Variants in RO60 observed in about 807,000 individuals in gnomAD.
RO60 encodes RNA-binding protein RO60.
RO60 carries 20 observed loss-of-function variants against 55.3 expected under a neutral mutation model. The ratio of observed to expected loss-of-function variants is 0.36; its 90% CI spans 0.25 to 0.53. The LOEUF is 0.53. Ranked by LOEUF, RO60 falls within the 20% of genes least tolerant of loss-of-function variation. RO60 has a pLI of 0.92. For synonymous variants in RO60, 213 were observed against 213.6 expected, an observed-to-expected ratio of 1.00 and a Z score of 0.02; for missense variants, 558 against 646.6, an observed-to-expected ratio of 0.86 and a Z score of 1.49.
At position 193,081,450 on chromosome 1, in the gene RO60, C is replaced by T. The variant is rs780813644; in HGVS notation, c.1173C>T (p.Asn391=). ...AAAGAGTTTTGGGTAGTATACTCAACGCTAGTACAGTTGCTGCAGCAATGT... is the reference window on the plus strand; with the variant it reads ...AAAGAGTTTTGGGTAGTATACTCAATGCTAGTACAGTTGCTGCAGCAATGT... The part of the protein sequence containing the change: ...MNQRVLGSIL[N]ASTVAAAMCM... Residue 391 remains asparagine (N), a synonymous_variant, in exon 6 of 9, where the codon AAC becomes AAT. Transcript: ENST00000400968. The T allele has an allele frequency of 1.4e-5, 22 of 1,609,748 alleles. No individual in the cohort carries two copies. Among genetic ancestry groups the T allele is most frequent in the East Asian group, 8.9e-5 (4 of 44,734 alleles).
In RO60 at chr1:193,085,296, A is replaced by G; in HGVS notation, c.*565A>G. The G allele has an allele frequency of 9.3e-7, 1 of 1,078,486 alleles. No individual in the cohort carries two copies. The highest frequency in any genetic ancestry group is 1.1e-6 in the Non-Finnish European group (1 of 889,054). The allele number at this position is 1,078,486 out of a possible 1,614,324, so 66.8% of individuals were successfully genotyped here. A position where few individuals can be genotyped will look rare whatever the true frequency, so the allele number is the denominator to read the frequency against. On this transcript the variant is annotated 3_prime_UTR_variant, in exon 9 of 9. Transcript: ENST00000400968. ...TTCAGAGTTTTACTAAGATCACACA[A>G]ATAACAGCTTTCTTATTCAGTGAAA...
chr1:193,060,177 G>A lies in RO60; in HGVS notation c.-22+401G>A. ...TTTGGAAGAAGGATCTTTGTGGGAA[G>A]ACAGGGTGAATTTATCACAGAGGAA... On this transcript the variant is annotated intron_variant, in intron 1 of 8. Transcript: ENST00000400968. 20 of 1,082,606 alleles carry A rather than the reference G, an allele frequency of 1.8e-5. No homozygotes were observed. The South Asian group carries it at 3.0e-4, about 16-fold the overall frequency. 67.1% of individuals were successfully genotyped at this position (1,082,606 alleles called of 1,614,324 possible).
Position 193,085,244 on chromosome 1 carries a change from A to C in RO60, c.*513A>C, listed in dbSNP as rs1272416929. The C allele has an allele frequency of 8.7e-7, 1 of 1,149,608 alleles. No homozygotes were observed. The allele number at this position is 1,149,608 out of a possible 1,614,324, so 71.2% of individuals were successfully genotyped here. A position where few individuals can be genotyped will look rare whatever the true frequency, so the allele number is the denominator to read the frequency against. On this transcript the variant is annotated 3_prime_UTR_variant, in exon 9 of 9. Transcript: ENST00000400968. ...AAAAAAAAACTAAGGCATTTGATTA[A>C]ATTATGAATGAGTTTTACAAATTCC...
chr1:193,061,427 G>A (rs1672715282), intron 1 of RO60, among the ~76,000 whole-genome samples: 1 of 152,184 alleles, frequency 6.6e-6, no homozygotes, highest in African/African-American at 2.4e-5. Flanking sequence ...TTGACTTCTT[G>A]AGATGAAAGG....
At chr1:193,074,431 A>G (rs1189879890) in intron 2 of RO60, among the ~76,000 whole-genome samples, 1 of 152,154 alleles carries the variant, frequency 6.6e-6, no homozygotes, top group Non-Finnish European at 1.5e-5. Context: ...TCGTCATTCT[A>G]ACTGATGTGA....
rs1558218867 is a variant in RO60, at chr1:193,059,752, C to G, written c.-46C>G. On this transcript the variant is annotated 5_prime_UTR_variant, in exon 1 of 9. The change creates a new upstream start codon in the 5' untranslated region. Transcript: ENST00000400968. This position sits in a 1 kb window ranked among gnomAD's most constrained non-coding sequence, Gnocchi z 4.9. The stretch of plus-strand genomic sequence containing the variant: ...GACTTCTCCTGGCGGCGCTGCGGAT[C>G]CAGGGGGTCGGCTGCCAGGTACAGG... 7.4e-7 allele frequency: 1 copy of G among 1,355,794 alleles called. No individual in the cohort carries two copies. Among genetic ancestry groups the G allele is most frequent in the Non-Finnish European group, 9.8e-7 (1 of 1,017,134 alleles). The allele number at this position is 1,355,794 out of a possible 1,614,324, so 84.0% of individuals were successfully genotyped here.
rs2103092178 is a variant in RO60 at position 193,090,411 on chromosome 1, G to GT, written c.*5685dup. 6.6e-6 allele frequency: 1 copy of GT among 151,222 alleles called. No individual in the cohort carries two copies. Among genetic ancestry groups the GT allele is most frequent in the Admixed American group, 6.6e-5 (1 of 15,098 alleles). 9.4% of individuals were successfully genotyped at this position (151,222 alleles called of 1,614,324 possible). A position where few individuals can be genotyped will look rare whatever the true frequency, so the allele number is the denominator to read the frequency against. ...ACAATTAATGAATAGTACTCAAAGT[G>GT]TTTTTGTTGCACTGTTACTCTGAAT... On this transcript the variant is annotated 3_prime_UTR_variant, in exon 9 of 9. Transcript: ENST00000400968.
chr1:193,068,719 G>C (rs1332855076), intron 1 of RO60, among the ~76,000 whole-genome samples: 1 of 152,116 alleles, frequency 6.6e-6, no homozygotes, highest in African/African-American at 2.4e-5. Flanking sequence ...TGATTTGTTT[G>C]TTTGCTGTGA....
chr1:193,063,713 A>T (rs1672933217), intron 1 of RO60, among the ~76,000 whole-genome samples: 1 of 152,198 alleles, frequency 6.6e-6, no homozygotes, highest in Non-Finnish European at 1.5e-5. Context: ...AAATTAAAGG[A>T]CAAGGTCCCC....
chr1:193,069,345 C>T lies in RO60; in HGVS notation c.291C>T (p.Ala97=). 6.2e-7 allele frequency: 1 copy of T among 1,614,212 alleles called. No homozygotes were observed. Among genetic ancestry groups the T allele is most frequent in the Non-Finnish European group, 8.5e-7 (1 of 1,180,040 alleles). ...AAGAGCCTATGCTCTTTGCACTTGCCATTTGTTCCCAGTGCTCCGACATAA... is the reference window on the plus strand; with the variant it reads ...AAGAGCCTATGCTCTTTGCACTTGCTATTTGTTCCCAGTGCTCCGACATAA... ...TKQEPMLFAL[A]ICSQCSDIST... is the part of the protein sequence containing the mutation. The change falls in exon 2 of 9, where the codon GCC becomes GCT. Residue 97 remains alanine, a synonymous_variant. Coordinates refer to ENST00000400968, the MANE Select transcript of RO60 (RefSeq NM_001173524.2).
chr1:193,070,970 A>T (rs1673449648), intron 2 of RO60, among the ~76,000 whole-genome samples: 2 of 152,386 alleles, frequency 1.3e-5, no homozygotes, highest in Admixed American at 1.3e-4. Context: ...ACTGCATATC[A>T]GCAGTCCACA....
intron 5 of RO60, among the ~76,000 whole-genome samples, chr1:193,079,017 A>C (rs2103062683): frequency 6.6e-6 from 1 of 152,174 alleles, no homozygotes; most frequent in Middle Eastern, 3.4e-3. Context: ...TGGCAAAAGA[A>C]TAAACATATA....
At chr1:193,077,179 T>C in intron 5 of RO60, 129 bp downstream of exon 5, 1 of 906,682 alleles carries the variant, frequency 1.1e-6, no homozygotes, top group Non-Finnish European at 1.6e-6. Context: ...TTTCTTTAGT[T>C]CATATGTGGT....
intron 5 of RO60, among the ~76,000 whole-genome samples, chr1:193,079,256 T>G (rs1435388673): frequency 6.6e-6 from 1 of 152,048 alleles, no homozygotes; most frequent in Non-Finnish European, 1.5e-5. Context: ...CTCAACTAAT[T>G]TATTCCATTT....
At chr1:193,071,260 G>C (rs539515197) in intron 2 of RO60, among the ~76,000 whole-genome samples, 2 of 152,292 alleles carry the variant, frequency 1.3e-5, no homozygotes, top group Non-Finnish European at 2.9e-5. Context: ...CCACGGACTG[G>C]TATCCGTGTA....
At chr1:193,061,742 T>C (rs1672760524) in intron 1 of RO60, among the ~76,000 whole-genome samples, 1 of 152,190 alleles carries the variant, frequency 6.6e-6, no homozygotes, top group Admixed American at 6.5e-5. Flanking sequence ...CCCAGCACTT[T>C]GGGAGGCCCA....
At chr1:193,068,023 T>C (rs1287742764) in intron 1 of RO60, among the ~76,000 whole-genome samples, 1 of 152,172 alleles carries the variant, frequency 6.6e-6, no homozygotes, top group Non-Finnish European at 1.5e-5. Flanking sequence ...CAGGCATCAC[T>C]TGCAAATGAA....
chr1:193,075,890 ACT>A lies in RO60; in HGVS notation c.656_657del (p.Ser219CysfsTer4). On this transcript the variant is annotated frameshift_variant, in exon 3 of 9. Coordinates refer to ENST00000400968, the MANE Select transcript of RO60 (RefSeq NM_001173524.2). LOFTEE classifies it high-confidence loss of function. ...EVHELYKEKALSVETEKLLKY... is the reference protein window; with the variant it reads ...EVHELYKEKAXSVETEKLLKY... ...TTCATGAATTGTATAAAGAAAAAGC[ACT>A]CTCTGTGGAGACTGAAAAATTATTA... 6.2e-7 allele frequency: 1 copy of A among 1,612,946 alleles called. No homozygotes were observed. Among genetic ancestry groups the A allele is most frequent in the Non-Finnish European group, 8.5e-7 (1 of 1,179,422 alleles).
intron 2 of RO60, among the ~76,000 whole-genome samples, chr1:193,072,731 T>C (rs901909458): frequency 6.6e-6 from 1 of 152,244 alleles, no homozygotes; most frequent in Non-Finnish European, 1.5e-5. Context: ...AGTACTAGAC[T>C]AAGAGAAAGA....
Sources: gnomAD v4.1 joint callset for allele counts (sites outside exome capture counted in the v4.1 genomes callset) on GRCh38, gnomAD v4.1.1 for gene constraint, Gnocchi (gnomAD v3.1) non-coding constraint, MANE v1.5 for transcripts, NCBI Gene and HGNC (gene_info 2026-07-23, HGNC 2026-07-21) for gene names.